TRAPPC12: variants seen among roughly 807,000 people sequenced by gnomAD.
TRAPPC12 encodes the protein TPR repeat protein 15.
Under a neutral mutation model 69.2 loss-of-function variants are expected in TRAPPC12, and 61 were observed. The ratio of observed to expected loss-of-function variants is 0.88; its 90% CI spans 0.72 to 1.09. The LOEUF is 1.09. TRAPPC12 is among the 50% of genes least tolerant of loss of function. The pLI is 0.00. For missense variants in TRAPPC12, 1,101 were observed against 1,016.4 expected (o/e 1.08, Z -1.13); for synonymous variants, 469 against 438.9 (o/e 1.07, Z -0.86).
intron 3 of TRAPPC12, among the ~76,000 whole-genome samples, chr2:3,419,073 G>A (rs1378520663): frequency 1.3e-5 from 2 of 152,086 alleles, no homozygotes; most frequent in East Asian, 1.9e-4. Context: ...GCCTTGTTTT[G>A]CACACATTCT....
chr2:3,461,644 T>C (rs1045781086), intron 8 of TRAPPC12, among the ~76,000 whole-genome samples: 4 of 152,222 alleles, frequency 2.6e-5, no homozygotes, highest in Non-Finnish European at 4.4e-5. Flanking sequence ...AGAGCAGGTT[T>C]TTCTTCCGCT....
At chr2:3,445,619 GT>G (rs1664465195) in intron 6 of TRAPPC12, among the ~76,000 whole-genome samples, 1 of 152,238 alleles carries the variant, frequency 6.6e-6, no homozygotes. Flanking sequence ...TGAAGGAGAT[GT>G]TATTATCCCA....
chr2:3,443,998 T>G (rs1269793675), intron 6 of TRAPPC12, 107 bp downstream of exon 6: 2 of 778,762 alleles, frequency 2.6e-6, no homozygotes, highest in Admixed American at 2.3e-5. Flanking sequence ...CCATGCACCA[T>G]CGCTGCTTCT....
chr2:3,457,678 C>T lies in TRAPPC12; in HGVS notation c.1588C>T (p.Gln530Ter). 6.2e-7 allele frequency: 1 copy of T among 1,611,326 alleles called. No individual in the cohort carries two copies. ...AGACGGCGGCATGAGCAGCGTGACT[C>T]AGGAGGGCAGACAAGGTGGGTCGGC... ...AEDGGMSSVTQEGRQASIRLW... is the reference protein window; with the variant it reads ...AEDGGMSSVT The change falls in exon 7 of 12, where the codon CAG becomes TAG. Residue 530 changes from glutamine (Q) to a stop codon, truncating the protein, a stop_gained. Transcript: ENST00000324266. LOFTEE classifies it high-confidence loss of function.
At chr2:3,457,925 A>G in intron 7 of TRAPPC12, 1 of 1,400,090 alleles carries the variant, frequency 7.1e-7, no homozygotes, top group Non-Finnish European at 9.2e-7. Context: ...GGGAGAAGAC[A>G]CGCCTTCACC....
chr2:3,425,643 C>G (rs1405240815), intron 5 of TRAPPC12, among the ~76,000 whole-genome samples: 1 of 152,160 alleles, frequency 6.6e-6, no homozygotes, highest in Admixed American at 6.6e-5. Context: ...GGGAAAGTCT[C>G]GCACTGCCGC....
chr2:3,391,189 C>T (rs932232432), intron 2 of TRAPPC12, among the ~76,000 whole-genome samples: 1 of 152,152 alleles, frequency 6.6e-6, no homozygotes, highest in African/African-American at 2.4e-5. Flanking sequence ...TGACGGGGCG[C>T]CCCACCTCCC....
chr2:3,419,102 C>T (rs1216362129), intron 3 of TRAPPC12, among the ~76,000 whole-genome samples: 2 of 152,182 alleles, frequency 1.3e-5, no homozygotes, highest in Non-Finnish European at 2.9e-5. Context: ...CTAGGGTCTC[C>T]GCCCCCTCCC....
intron 4 of TRAPPC12, among the ~76,000 whole-genome samples, chr2:3,423,207 C>T (rs545968779): frequency 6.6e-6 from 1 of 152,298 alleles, no homozygotes; most frequent in African/African-American, 2.4e-5. Context: ...CCATTGGCTA[C>T]CATGTGAAAT....
chr2:3,473,315 A>G (rs1666145632), intron 9 of TRAPPC12, among the ~76,000 whole-genome samples: 1 of 152,224 alleles, frequency 6.6e-6, no homozygotes, highest in African/African-American at 2.4e-5. Flanking sequence ...TCTGAAATAG[A>G]TCGCATCTTT....
chr2:3,400,297 G>T (rs1052589268), intron 2 of TRAPPC12, among the ~76,000 whole-genome samples: 1 of 149,582 alleles, frequency 6.7e-6, no homozygotes, highest in Non-Finnish European at 1.5e-5. Flanking sequence ...ACTGTCTCTG[G>T]CGTTTCAGGG....
At chr2:3,469,826 G>A (rs1289913888) in intron 9 of TRAPPC12, among the ~76,000 whole-genome samples, 1 of 152,182 alleles carries the variant, frequency 6.6e-6, no homozygotes, top group Non-Finnish European at 1.5e-5. Context: ...GGGAAGGCAG[G>A]GCCAGCAGCA....
chr2:3,396,400 C>G (rs955985943), intron 2 of TRAPPC12, among the ~76,000 whole-genome samples: 1 of 152,068 alleles, frequency 6.6e-6, no homozygotes, highest in African/African-American at 2.4e-5. Context: ...CCTGGTTTTT[C>G]AGCAGTTTGG....
intron 3 of TRAPPC12, among the ~76,000 whole-genome samples, chr2:3,415,649 C>G (rs1039689735): frequency 1.3e-5 from 2 of 152,020 alleles, no homozygotes; most frequent in African/African-American, 4.8e-5. Context: ...GGTGATCCAC[C>G]CAGCTCAGCC....
At chr2:3,464,222 G>A (rs997673322) in intron 8 of TRAPPC12, among the ~76,000 whole-genome samples, 7 of 152,190 alleles carry the variant, frequency 4.6e-5, no homozygotes, top group Admixed American at 2.6e-4. Flanking sequence ...CACTCGCACA[G>A]CTAGACAGCA....
chr2:3,429,679 A>G (rs10210169), intron 5 of TRAPPC12, among the ~76,000 whole-genome samples: 19,129 of 151,954 alleles, frequency 0.13, 1,301 homozygotes, highest in Middle Eastern at 0.28. Flanking sequence ...CTTTTACTTT[A>G]CTTTTTTTTC....
At chr2:3,436,808 TC>T (rs1261646145) in intron 5 of TRAPPC12, among the ~76,000 whole-genome samples, 25 of 70,510 alleles carry the variant, frequency 3.5e-4, no homozygotes, top group African/African-American at 1.3e-3. Context: ...CCTGAATTAA[TC>T]CCCCCATCAC....
intron 6 of TRAPPC12, among the ~76,000 whole-genome samples, chr2:3,450,629 T>C (rs1339630795): frequency 2.6e-5 from 4 of 152,138 alleles, no homozygotes; most frequent in African/African-American, 9.7e-5. Context: ...TTTGAGAGCT[T>C]TGGAGCAGCT....
rs544875413 is a variant in TRAPPC12, at chr2:3,447,748, C to T, written c.1530+3857C>T. Among the ~76,000 whole-genome samples the T allele has an allele frequency of 3.9e-5, 6 of 152,334 alleles. No individual in the cohort carries two copies. The East Asian group carries it at 1.2e-3, about 29-fold the overall frequency. On this transcript the variant is annotated intron_variant, in intron 6 of 11. Coordinates refer to ENST00000324266, the MANE Select transcript of TRAPPC12 (RefSeq NM_016030.6). ...CCACTATTCTGCCGGTGTTGATTTGCTGGATTAAAGTGAACGGCTTGGTGT... is the reference window on the plus strand; with the variant it reads ...CCACTATTCTGCCGGTGTTGATTTGTTGGATTAAAGTGAACGGCTTGGTGT...
Sources: gnomAD v4.1 joint callset for allele counts (sites outside exome capture counted in the v4.1 genomes callset) on GRCh38, gnomAD v4.1.1 for gene constraint, MANE v1.5 for transcripts, NCBI Gene and HGNC (gene_info 2026-07-23, HGNC 2026-07-21) for gene names.